Variants in GALNT9 observed in about 807,000 individuals in gnomAD.
GALNT9 encodes GalNAc transferase 9.
A neutral mutation model predicts 63.1 loss-of-function variants in GALNT9; 47 were observed. That is an observed-to-expected ratio of 0.75 (90% CI 0.59 to 0.95). GALNT9 has a LOEUF of 0.95. Ranked by LOEUF, GALNT9 falls within the 40% of genes least tolerant of loss-of-function variation. The pLI is 0.00. For synonymous variants in GALNT9, 396 were observed against 365.7 expected (o/e 1.08, Z -0.94); for missense variants, 829 against 874.8 (o/e 0.95, Z 0.66).
At chr12:132,272,680 C>T (rs1043158725) in intron 2 of GALNT9, 36 of 152,270 alleles carry the variant, frequency 2.4e-4, no homozygotes, top group African/African-American at 8.7e-4. Flanking sequence ...ACCCATAATA[C>T]AGTACCCTTC....
chr12:132,294,404 T>G (rs1555243041), intron 1 of GALNT9, among the ~76,000 whole-genome samples: 1 of 152,194 alleles, frequency 6.6e-6, no homozygotes, highest in Admixed American at 6.5e-5. Context: ...TGGTCCTTGT[T>G]AAAACACAGC....
At chr12:132,220,825 G>A (rs1877414410) in intron 6 of GALNT9, among the ~76,000 whole-genome samples, 1 of 152,220 alleles carries the variant, frequency 6.6e-6, no homozygotes, top group Non-Finnish European at 1.5e-5. Context: ...GGGAGGCCAA[G>A]GCAGGTGGAT....
At chr12:132,311,505 T>C (rs2135583918) in intron 1 of GALNT9, among the ~76,000 whole-genome samples, 1 of 152,310 alleles carries the variant, frequency 6.6e-6, no homozygotes, top group South Asian at 2.1e-4. Context: ...CCTCGGGTTA[T>C]GCCTGCAACT....
At chr12:132,268,134 C>G (rs545271573) in intron 2 of GALNT9, among the ~76,000 whole-genome samples, 1 of 144,146 alleles carries the variant, frequency 6.9e-6, no homozygotes, top group Non-Finnish European at 1.5e-5. Context: ...CACACACTCA[C>G]GCTCACACAC....
intron 6 of GALNT9, chr12:132,240,584 C>A (rs1053434437): frequency 2.2e-6 from 1 of 454,630 alleles, no homozygotes; most frequent in Non-Finnish European, 4.4e-6. Context: ...GGCCCCGGGG[C>A]TCGGCTGTGG....
chr12:132,205,190 A>T (rs969872426), intron 6 of GALNT9, among the ~76,000 whole-genome samples: 2 of 144,106 alleles, frequency 1.4e-5, no homozygotes, highest in Non-Finnish European at 3.0e-5. Context: ...GGCCACACTC[A>T]CACGTCCCCT....
At chr12:132,216,743 G>A (rs35803027) in intron 6 of GALNT9, among the ~76,000 whole-genome samples, 192 of 152,360 alleles carry the variant, frequency 1.3e-3, no homozygotes, top group Non-Finnish European at 1.3e-3. Context: ...GAGAGAAGCC[G>A]TGGCTGCTTC....
In GALNT9 at chr12:132,197,175, G is replaced by C. The variant is rs1489483175; in HGVS notation, c.1744C>G (p.Leu582Val). The change falls in exon 11 of 11, where the codon CTG becomes GTG. Residue 582 changes from leucine to valine, a missense_variant. Leu to Val is a conservative substitution (Grantham distance 32). Transcript: ENST00000328957. ...TGCCCCGAGCACCTCTGTACCACCA[G>C]CCGGAGCCCAAAGTTGGCATCTTTG... ...MSKDANFGLR[L>V]VVQRCSGQKW... 1 of 1,614,010 alleles carries C rather than the reference G, an allele frequency of 6.2e-7. No individual in the cohort carries two copies. The highest frequency in any genetic ancestry group is 1.7e-5 in the Admixed American group (1 of 60,004).
intron 6 of GALNT9, among the ~76,000 whole-genome samples, chr12:132,221,395 TC>T (rs1353985166): frequency 8.0e-6 from 1 of 125,282 alleles, no homozygotes; most frequent in African/African-American, 3.1e-5. Context: ...GTGCGATGGC[TC>T]ATGCCTGTAA....
intron 6 of GALNT9, among the ~76,000 whole-genome samples, chr12:132,219,033 C>T (rs964938917): frequency 6.6e-5 from 10 of 152,176 alleles, no homozygotes; most frequent in Non-Finnish European, 1.2e-4. Context: ...TTTGAGCTCT[C>T]GGGGTGCTGC....
In GALNT9 at chr12:132,282,469, G is replaced by A. The variant is rs1186642331; in HGVS notation, c.419+3781C>T. ...TGTGCGTGTGCATGTGTGTGTGCAC[G>A]CATGTGGTAATTTATTGCAAAGTCA... On this transcript the variant is annotated intron_variant, in intron 2 of 10. Coordinates refer to ENST00000328957, the MANE Select transcript of GALNT9 (RefSeq NM_001122636.2). This position sits in a 1 kb window ranked among gnomAD's most constrained non-coding sequence, Gnocchi z 4.5. Among the ~76,000 whole-genome samples the A allele has an allele frequency of 5.3e-5, 8 of 152,224 alleles. No individual in the cohort carries two copies. The highest frequency in any genetic ancestry group is 2.1e-4 in the South Asian group (1 of 4,834).
intron 2 of GALNT9, among the ~76,000 whole-genome samples, chr12:132,269,553 G>A (rs113339019): frequency 0.015 from 2,355 of 152,344 alleles, 46 homozygotes; most frequent in Non-Finnish European, 0.022. Flanking sequence ...TCCTGGGGCA[G>A]GTGCTGCTCC....
chr12:132,328,700 C>T (rs1199942003), intron 1 of GALNT9, among the ~76,000 whole-genome samples: 2 of 152,234 alleles, frequency 1.3e-5, no homozygotes, highest in African/African-American at 4.8e-5. Flanking sequence ...CAGAAGTTCC[C>T]TCGGAGAGCA....
chr12:132,198,368 G>T (rs541225139), intron 9 of GALNT9, among the ~76,000 whole-genome samples: 2 of 152,260 alleles, frequency 1.3e-5, no homozygotes, highest in South Asian at 2.1e-4. Context: ...CCTTATGGGG[G>T]TCATGGTCAG....
chr12:132,254,729 TC>T (rs1879048925), intron 5 of GALNT9, among the ~76,000 whole-genome samples: 1 of 152,244 alleles, frequency 6.6e-6, no homozygotes, highest in South Asian at 2.1e-4. Context: ...GCCTTCATCT[TC>T]TTTCTCTTGA....
chr12:132,260,991 C>G lies in GALNT9; in HGVS notation c.718G>C (p.Val240Leu). The change falls in exon 4 of 11, where the codon GTC becomes CTC. Residue 240 changes from valine to leucine, a missense_variant. Physicochemically the swap from Val to Leu is conservative, Grantham distance 32 (BLOSUM62 1). Coordinates refer to ENST00000328957, the MANE Select transcript of GALNT9 (RefSeq NM_001122636.2). ...LQGWKAATAP[V>L]VGFFDAHVEF... Reference sequence around the variant, plus strand: ...ACGTGGGCATCAAAGAAGCCGACGACTGGGGCGGTGGCCGCCTTCCAGCCC... The same window carrying G: ...ACGTGGGCATCAAAGAAGCCGACGAGTGGGGCGGTGGCCGCCTTCCAGCCC... 1.3e-6 allele frequency: 2 copies of G among 1,548,818 alleles called. No individual in the cohort carries two copies. Among genetic ancestry groups the G allele is most frequent in the Non-Finnish European group, 8.7e-7 (1 of 1,146,152 alleles).
intron 6 of GALNT9, among the ~76,000 whole-genome samples, chr12:132,239,931 T>C (rs528142329): frequency 1.3e-5 from 2 of 151,888 alleles, no homozygotes; most frequent in African/African-American, 4.8e-5. Context: ...GTGAGGGGCC[T>C]GGCCTCAGGC....
In GALNT9 at chr12:132,197,193, C is replaced by G; in HGVS notation, c.1726G>C (p.Ala576Pro). The change falls in exon 11 of 11, where the codon GCC (alanine) becomes CCC (proline). Residue 576 changes from alanine to proline, a missense_variant. Physicochemically the swap from Ala to Pro is conservative, Grantham distance 27. Coordinates refer to ENST00000328957, the MANE Select transcript of GALNT9 (RefSeq NM_001122636.2). ...RCLEVEMSKD[A>P]NFGLRLVVQR... ...ACCACCAGCCGGAGCCCAAAGTTGG[C>G]ATCTTTGGACATCTCCACCTCCAGG... The G allele has an allele frequency of 1.9e-6, 3 of 1,613,986 alleles. No homozygotes were observed. The highest frequency in any genetic ancestry group is 2.5e-6 in the Non-Finnish European group (3 of 1,180,020).
Position 132,246,296 on chromosome 12 carries a change from G to A in GALNT9, c.1077+1614C>T, listed in dbSNP as rs552442437. Among the ~76,000 whole-genome samples, 1 of 152,320 alleles carries A rather than the reference G, an allele frequency of 6.6e-6. No individual in the cohort carries two copies. The highest frequency in any genetic ancestry group is 2.4e-5 in the African/African-American group (1 of 41,568). ...CAGTTTAAAATCGGACAGGATGAGA[G>A]GATTAAAGGCACCTGCAAACAGTCC... On this transcript the variant is annotated intron_variant, in intron 6 of 10. Transcript: ENST00000328957. The surrounding 1 kb of genome is among the most constrained non-coding windows in gnomAD (Gnocchi z 4.7).
Sources: allele counts gnomAD v4.1 joint callset (sites outside exome capture counted in the v4.1 genomes callset), GRCh38; gene constraint gnomAD v4.1.1; non-coding constraint Gnocchi (gnomAD v3.1); transcripts MANE v1.5; gene names NCBI Gene and HGNC (gene_info 2026-07-23, HGNC 2026-07-21).